The following MACROD2 variants were observed in gnomAD, a reference collection of about 807,000 sequenced individuals.
MACROD2 encodes the protein mono-ADP ribosylhydrolase 2.
A neutral mutation model predicts 70.4 loss-of-function variants in MACROD2; 36 were observed. The observed-to-expected ratio is 0.51, with a 90% confidence interval of 0.39 to 0.68. The LOEUF is 0.68. Among genes scored for constraint, MACROD2 ranks in the 30% least tolerant of loss-of-function variants. The probability of loss-of-function intolerance (pLI) is 0.00; values close to 1 mark genes in which losing one functional copy is unlikely to be tolerated. For missense variants in MACROD2, 496 were observed against 538.4 expected (o/e 0.92, Z 0.78); for synonymous variants, 172 against 178.8 (o/e 0.96, Z 0.30).
intron 5 of MACROD2, among the ~76,000 whole-genome samples, chr20:14,782,553 T>C (rs2072314795): frequency 6.6e-6 from 1 of 152,242 alleles, no homozygotes; most frequent in Non-Finnish European, 1.5e-5. Flanking sequence ...AAATATGTCA[T>C]ATACCATTGA....
chr20:15,233,961 ATTTATTTT>A (rs1215950966), intron 6 of MACROD2, among the ~76,000 whole-genome samples: 1 of 72,552 alleles, frequency 1.4e-5, no homozygotes, highest in African/African-American at 6.4e-5. Flanking sequence ...GATCCAAAAA[ATTTATTTT>A]TATATATATT....
At chr20:14,410,365 TA>T (rs2083736960) in intron 3 of MACROD2, among the ~76,000 whole-genome samples, 1 of 152,056 alleles carries the variant, frequency 6.6e-6, no homozygotes, top group South Asian at 2.1e-4. Context: ...AGTTAGTTTT[TA>T]AATCCTCACT....
intron 3 of MACROD2, among the ~76,000 whole-genome samples, chr20:14,211,458 T>C (rs2081570117): frequency 6.6e-6 from 1 of 152,196 alleles, no homozygotes; most frequent in Non-Finnish European, 1.5e-5. Flanking sequence ...TATTGATATA[T>C]TTGATTAATG....
At chr20:15,428,442 G>A (rs2046326350) in intron 6 of MACROD2, among the ~76,000 whole-genome samples, 1 of 152,174 alleles carries the variant, frequency 6.6e-6, no homozygotes, top group Non-Finnish European at 1.5e-5. Context: ...CACTCTTGCA[G>A]TCCTTTTTAA....
At chr20:15,418,274 C>A (rs927518227) in intron 6 of MACROD2, among the ~76,000 whole-genome samples, 1 of 152,228 alleles carries the variant, frequency 6.6e-6, no homozygotes, top group African/African-American at 2.4e-5. Flanking sequence ...AGACTGATAG[C>A]TGAAGCTCCT....
At chr20:15,439,820 G>C (rs1041652762) in intron 7 of MACROD2, among the ~76,000 whole-genome samples, 2 of 152,108 alleles carry the variant, frequency 1.3e-5, no homozygotes, top group South Asian at 4.1e-4. Context: ...GAAAAGCCTC[G>C]TTTGGTCAAA....
intron 8 of MACROD2, among the ~76,000 whole-genome samples, chr20:15,629,100 G>A (rs2049249953): frequency 6.6e-6 from 1 of 152,128 alleles, no homozygotes; most frequent in South Asian, 2.1e-4. Context: ...TGTATATTGG[G>A]TGAAATATAT....
In MACROD2 at chr20:13,995,857, T is replaced by TGGGGGG. The variant is rs1601089219; in HGVS notation, c.46+53_46+54insGGGGGG. 18 of 283,948 alleles carry TGGGGGG rather than the reference T, an allele frequency of 6.3e-5. No individual in the cohort carries two copies. The highest frequency in any genetic ancestry group is 4.9e-4 in the Admixed American group (11 of 22,352). The allele number at this position is 283,948 out of a possible 1,614,324, so 17.6% of individuals were successfully genotyped here. ...GGGGTGCGGGCGGTGGGGGTTAGGGTGGGGGCGGGGGTCAGGCTGTGTGTG... is the reference window on the plus strand; with the variant it reads ...GGGGTGCGGGCGGTGGGGGTTAGGGTGGGGGGGGGGGCGGGGGTCAGGCTGTGTGTG... On this transcript the variant is annotated intron_variant, in intron 1 of 17. Transcript: ENST00000684519. The surrounding 1 kb of genome is among the most constrained non-coding windows in gnomAD (Gnocchi z 4.3).
intron 6 of MACROD2, among the ~76,000 whole-genome samples, chr20:15,323,186 C>A (rs538965836): frequency 1.3e-5 from 2 of 152,286 alleles, no homozygotes; most frequent in South Asian, 4.2e-4. Flanking sequence ...TTCTTCTTGA[C>A]AAACAGCCAA....
rs752557328 is a variant in MACROD2, at chr20:14,336,003, T to C, written c.272-157476T>C. 5.3e-4 allele frequency among the ~76,000 whole-genome samples: 80 copies of C among 152,324 alleles called. 1 individual carries two copies. Among genetic ancestry groups the C allele is most frequent in the Middle Eastern group, 3.4e-3 (1 of 294 alleles). ...TATTGATTGTGGCACTTTTAAAGGA[T>C]TAATTTTTCTTTACTCATTTCGGAA... On this transcript the variant is annotated intron_variant, in intron 3 of 17. Coordinates refer to ENST00000684519, the MANE Select transcript of MACROD2 (RefSeq NM_001351661.2).
At chr20:15,114,148 G>T (rs533898968) in intron 5 of MACROD2, among the ~76,000 whole-genome samples, 2 of 152,180 alleles carry the variant, frequency 1.3e-5, no homozygotes, top group Non-Finnish European at 2.9e-5. Context: ...GACCACAGTT[G>T]TGGGGTTAGC....
rs550993521 is a variant in MACROD2 at position 14,608,023 on chromosome 20, T to G, written c.302-76820T>G. Among the ~76,000 whole-genome samples the G allele has an allele frequency of 1.2e-4, 18 of 152,104 alleles. No individual in the cohort carries two copies. The East Asian group carries it at 3.3e-3, about 28-fold the overall frequency. ...ATCCCAGCACTTTGGGAGGCCGAGG[T>G]GGGTGGATCACCTGAGGTCAGGAGT... On this transcript the variant is annotated intron_variant, in intron 4 of 17. Coordinates refer to ENST00000684519, the MANE Select transcript of MACROD2 (RefSeq NM_001351661.2).
intron 5 of MACROD2, among the ~76,000 whole-genome samples, chr20:14,860,322 G>T (rs781140055): frequency 7.3e-5 from 11 of 151,618 alleles, no homozygotes; most frequent in Admixed American, 2.0e-4. Context: ...TTAAGGAAAA[G>T]AATTTATGCA....
intron 4 of MACROD2, among the ~76,000 whole-genome samples, chr20:14,607,419 C>A (rs1982875454): frequency 6.6e-6 from 1 of 152,062 alleles, no homozygotes. Context: ...AGGGAGGTAG[C>A]CAAGGAACAG....
intron 4 of MACROD2, among the ~76,000 whole-genome samples, chr20:14,663,714 TAAA>T (rs2070704298): frequency 6.6e-6 from 1 of 152,000 alleles, no homozygotes; most frequent in South Asian, 2.1e-4. Flanking sequence ...GAAAGTATTT[TAAA>T]AATAAATTAT....
At chr20:15,548,827 G>A (rs545111215) in intron 8 of MACROD2, among the ~76,000 whole-genome samples, 2 of 152,258 alleles carry the variant, frequency 1.3e-5, no homozygotes, top group East Asian at 1.9e-4. Flanking sequence ...CATGTAAAAC[G>A]TTATACTACT....
At chr20:15,636,098 A>AAAAAAAG (rs1555851926) in intron 8 of MACROD2, among the ~76,000 whole-genome samples, 3 of 138,512 alleles carry the variant, frequency 2.2e-5, no homozygotes, top group East Asian at 2.2e-4. Flanking sequence ...AAAAAGAAAG[A>AAAAAAAG]AAAGAAAAGA....
Position 16,005,119 on chromosome 20 carries a change from CAAG to C in MACROD2, c.1153+17965_1153+17967del, listed in dbSNP as rs574778687. ...TTCTACTTGTCTTTAGACATAGAAACAAGAAGGAGTCATGTGAAAGAAGATGGC... is the reference window on the plus strand; with the variant it reads ...TTCTACTTGTCTTTAGACATAGAAACAAGGAGTCATGTGAAAGAAGATGGC... On this transcript the variant is annotated intron_variant, in intron 15 of 17. Transcript: ENST00000684519. 1.1e-4 allele frequency among the ~76,000 whole-genome samples: 17 copies of C among 152,166 alleles called. No homozygotes were observed. In the East Asian group the frequency reaches 2.7e-3, roughly 24 times the overall value.
chr20:15,264,171 T>G (rs1034028323), intron 6 of MACROD2, among the ~76,000 whole-genome samples: 1 of 152,194 alleles, frequency 6.6e-6, no homozygotes, highest in Non-Finnish European at 1.5e-5. Flanking sequence ...CCTCTAATTG[T>G]GCCTTTTTGC....
Sources: gnomAD v4.1 joint callset for allele counts (sites outside exome capture counted in the v4.1 genomes callset) on GRCh38, gnomAD v4.1.1 for gene constraint, Gnocchi (gnomAD v3.1) non-coding constraint, MANE v1.5 for transcripts, NCBI Gene and HGNC (gene_info 2026-07-23, HGNC 2026-07-21) for gene names.